Variants in CCDC73 observed in about 807,000 individuals in gnomAD.
CCDC73 encodes coiled-coil domain-containing protein 73.
CCDC73 carries 95 observed loss-of-function variants against 116.5 expected under a neutral mutation model. That is an observed-to-expected ratio of 0.82 (90% CI 0.69 to 0.97). The LOEUF (loss-of-function observed/expected upper bound fraction) is 0.97. Ranked by LOEUF, CCDC73 falls within the 50% of genes least tolerant of loss-of-function variation. CCDC73 has a pLI of 0.00. For synonymous variants in CCDC73, 398 were observed against 401.3 expected (o/e 0.99, Z 0.10); for missense variants, 1,066 against 1,206.8 (o/e 0.88, Z 1.73).
intron 2 of CCDC73, among the ~76,000 whole-genome samples, chr11:32,740,785 T>C (rs965001107): frequency 1.3e-5 from 2 of 152,042 alleles, no homozygotes; most frequent in African/African-American, 4.8e-5. Context: ...TTGAAGTTTT[T>C]CTTTTTTTTT....
intron 1 of CCDC73, among the ~76,000 whole-genome samples, chr11:32,769,355 A>AGCT (rs937686259): frequency 9.2e-5 from 14 of 152,104 alleles, no homozygotes; most frequent in African/African-American, 3.4e-4. Flanking sequence ...CTGTCTGAAA[A>AGCT]GTCTGTTTCT....
intron 1 of CCDC73, among the ~76,000 whole-genome samples, chr11:32,784,643 A>G (rs1850611699): frequency 6.6e-6 from 1 of 152,218 alleles, no homozygotes; most frequent in Admixed American, 6.5e-5. Flanking sequence ...TGTCTAAAGT[A>G]TCAGCTAAAA....
At chr11:32,643,574 T>C (rs1025765883) in intron 12 of CCDC73, among the ~76,000 whole-genome samples, 4 of 152,126 alleles carry the variant, frequency 2.6e-5, no homozygotes, top group Non-Finnish European at 1.5e-5. Context: ...GTGTAGGCAA[T>C]TGTAACACAA....
intron 6 of CCDC73, among the ~76,000 whole-genome samples, chr11:32,687,490 T>C (rs970376040): frequency 5.3e-5 from 8 of 152,118 alleles, no homozygotes; most frequent in African/African-American, 1.9e-4. Flanking sequence ...TTAGTGATAA[T>C]GAAAGTCAGA....
At chr11:32,787,727 G>A (rs939350124) in intron 1 of CCDC73, among the ~76,000 whole-genome samples, 4 of 152,014 alleles carry the variant, frequency 2.6e-5, no homozygotes, top group African/African-American at 7.2e-5. Flanking sequence ...ATCTTTGTGT[G>A]AAAAATTATA....
intron 13 of CCDC73, among the ~76,000 whole-genome samples, chr11:32,637,027 T>C (rs959913876): frequency 7.0e-6 from 1 of 143,366 alleles, no homozygotes; most frequent in South Asian, 2.3e-4. Context: ...CTTTTTTTTT[T>C]TTTTTTTTTT....
intron 7 of CCDC73, 47 bp downstream of exon 7, chr11:32,683,488 CT>C (rs756204367): frequency 1.7e-5 from 21 of 1,224,832 alleles, no homozygotes; most frequent in Non-Finnish European, 2.5e-5. Context: ...ACCAATCCCC[CT>C]AAGTACTAAT....
chr11:32,776,308 A>G (rs1850531699), intron 1 of CCDC73, among the ~76,000 whole-genome samples: 1 of 152,150 alleles, frequency 6.6e-6, no homozygotes, highest in Non-Finnish European at 1.5e-5. Flanking sequence ...TATTTTCTCC[A>G]GAATTATTTT....
At position 32,602,978 on chromosome 11, in the gene CCDC73, A is replaced by G; in HGVS notation, c.3073T>C (p.Leu1025=). The G allele has an allele frequency of 6.2e-7, 1 of 1,613,330 alleles. No homozygotes were observed. The part of the protein sequence containing the change: ...PLISTPLQSH[L]QAIKTTKNTS... The stretch of plus-strand genomic sequence containing the variant: ...TTTTTAGTCGTCTTGATTGCCTGCA[A>G]ATGGCTTTGTAGTGGAGTTGATATC... The change falls in exon 18 of 18, where the codon TTG becomes CTG. Residue 1025 remains leucine (L), a synonymous_variant. Coordinates refer to ENST00000335185, the MANE Select transcript of CCDC73 (RefSeq NM_001008391.4).
chr11:32,789,825 C>T (rs954791063), intron 1 of CCDC73, among the ~76,000 whole-genome samples: 6 of 151,960 alleles, frequency 3.9e-5, no homozygotes, highest in Admixed American at 2.0e-4. Context: ...TAGAGAGATA[C>T]GGATATACAA....
chr11:32,698,110 C>T (rs968618993), intron 6 of CCDC73, among the ~76,000 whole-genome samples: 1 of 149,420 alleles, frequency 6.7e-6, no homozygotes, highest in African/African-American at 2.5e-5. Flanking sequence ...CTGCAAGCTG[C>T]GCCTCCCGGG....
At chr11:32,673,689 T>C (rs929557344) in intron 9 of CCDC73, among the ~76,000 whole-genome samples, 1 of 152,220 alleles carries the variant, frequency 6.6e-6, no homozygotes, top group African/African-American at 2.4e-5. Flanking sequence ...GCCTCACTAA[T>C]GTTTTACCCT....
chr11:32,780,970 C>T (rs1042527930), intron 1 of CCDC73, among the ~76,000 whole-genome samples: 3 of 151,972 alleles, frequency 2.0e-5, no homozygotes, highest in Non-Finnish European at 2.9e-5. Context: ...CCCATCTCTA[C>T]AAAAAGTTTT....
chr11:32,643,676 C>T (rs1257230983), intron 12 of CCDC73, among the ~76,000 whole-genome samples: 1 of 152,016 alleles, frequency 6.6e-6, no homozygotes, highest in African/African-American at 2.4e-5. Context: ...AAAAATGGTA[C>T]ACATGTAACT....
At chr11:32,625,486 A>G (rs961424461) in intron 14 of CCDC73, among the ~76,000 whole-genome samples, 1 of 152,046 alleles carries the variant, frequency 6.6e-6, no homozygotes, top group African/African-American at 2.4e-5. Context: ...TGGTGACAAA[A>G]TCTCTTAGCA....
intron 6 of CCDC73, among the ~76,000 whole-genome samples, chr11:32,690,771 C>G (rs1565076883): frequency 6.6e-6 from 1 of 152,128 alleles, no homozygotes; most frequent in Non-Finnish European, 1.5e-5. Flanking sequence ...CTCTTTTGTT[C>G]ATAAATTACC....
intron 12 of CCDC73, among the ~76,000 whole-genome samples, chr11:32,650,771 T>C (rs1322633422): frequency 6.6e-6 from 1 of 152,074 alleles, no homozygotes; most frequent in Non-Finnish European, 1.5e-5. Context: ...CCATAGAACA[T>C]CAATGGTGAG....
chr11:32,646,100 C>T (rs1855776660), intron 12 of CCDC73, among the ~76,000 whole-genome samples: 1 of 152,206 alleles, frequency 6.6e-6, no homozygotes. Flanking sequence ...CCAAGAACAT[C>T]ATGCTCTTAA....
At chr11:32,797,009 C>CAAAAAAAAA (rs1163144111), upstream of CCDC73, among the ~76,000 whole-genome samples, 1 of 74,620 alleles carries the variant, frequency 1.3e-5, no homozygotes, top group African/African-American at 5.4e-5. Context: ...GAGACTGCCT[C>CAAAAAAAAA]AAAAAAAAAA....
Sources: gnomAD v4.1 joint callset for allele counts (sites outside exome capture counted in the v4.1 genomes callset) on GRCh38, gnomAD v4.1.1 for gene constraint, MANE v1.5 for transcripts, NCBI Gene and HGNC (gene_info 2026-07-23, HGNC 2026-07-21) for gene names.